The following RIN2 variants were observed in gnomAD, a reference collection of about 807,000 sequenced individuals.
The protein encoded by RIN2 is RAB5 interacting protein 2.
RIN2 carries 36 observed loss-of-function variants against 78.0 expected under a neutral mutation model. That is an observed-to-expected ratio of 0.46 (90% CI 0.35 to 0.61). The LOEUF (loss-of-function observed/expected upper bound fraction) is 0.61. RIN2 is among the 20% of genes least tolerant of loss of function. The pLI is 0.00. For synonymous variants in RIN2, 466 were observed against 466.8 expected (o/e 1.00, Z 0.02); for missense variants, 1,087 against 1,159.7 (o/e 0.94, Z 0.91).
At chr20:19,895,825 A>G (rs2038694686) in intron 3 of RIN2, 1 of 152,240 alleles carries the variant, frequency 6.6e-6, no homozygotes, top group African/African-American at 2.4e-5. Flanking sequence ...AAGAAACTAC[A>G]TTGCTGAAAT....
chr20:19,872,170 T>C (rs1255842183), intron 2 of RIN2: 1 of 152,170 alleles, frequency 6.6e-6, no homozygotes, highest in Non-Finnish European at 1.5e-5. Context: ...GTCTCTCTCC[T>C]GCTGCCTTGT....
intron 3 of RIN2, among the ~76,000 whole-genome samples, chr20:19,928,773 C>A (rs2040329385): frequency 6.6e-6 from 1 of 152,140 alleles, no homozygotes; most frequent in South Asian, 2.1e-4. Flanking sequence ...GACCTGCCTT[C>A]CTCTCCCTCT....
intron 3 of RIN2, 62 bp from the exon 4 acceptor site, chr20:19,935,037 G>A (rs895085858): frequency 5.1e-5 from 63 of 1,230,526 alleles, no homozygotes; most frequent in Admixed American, 7.9e-5. Context: ...AGTTCCCCGG[G>A]CGCTGTGGGC....
chr20:19,979,551 T>G (rs199584), intron 9 of RIN2, among the ~76,000 whole-genome samples: 50,652 of 151,720 alleles, frequency 0.33, 9,644 homozygotes, highest in Non-Finnish European at 0.44. Flanking sequence ...ATAGAAAAGG[T>G]GATTGAAATG....
At position 19,842,387 on chromosome 20, in the gene RIN2, C is replaced by CTTTTTTTTTTTTTTT. The variant is rs139642869; in HGVS notation, c.-37+42652_-37+42666dup. Among the ~76,000 whole-genome samples the CTTTTTTTTTTTTTTT allele has an allele frequency of 4.3e-4, 20 of 46,198 alleles. 3 individuals are homozygous for CTTTTTTTTTTTTTTT. Among genetic ancestry groups the CTTTTTTTTTTTTTTT allele is most frequent in the East Asian group, 1.7e-3 (2 of 1,172 alleles). The allele number at this position is 46,198 out of a possible 152,430, so 30.3% of individuals were successfully genotyped here. Reference sequence around the variant, plus strand: ...TACAGGCACTCACCACCATCCCTGGCTTTTTTTTTTTTTTTTTTTTTTTTT... The same window carrying CTTTTTTTTTTTTTTT: ...TACAGGCACTCACCACCATCCCTGGCTTTTTTTTTTTTTTTTTTTTTTTTTTTTTTTTTTTTTTTT... On this transcript the variant is annotated intron_variant, in intron 2 of 12. Transcript: ENST00000255006.
intron 2 of RIN2, among the ~76,000 whole-genome samples, chr20:19,824,529 C>T (rs1355774545): frequency 6.6e-6 from 1 of 152,104 alleles, no homozygotes; most frequent in Non-Finnish European, 1.5e-5. Context: ...GCCCAGATCC[C>T]TCCCAGTCCT....
At chr20:19,990,571 C>G (rs1291909063) in intron 10 of RIN2, among the ~76,000 whole-genome samples, 1 of 152,146 alleles carries the variant, frequency 6.6e-6, no homozygotes, top group Non-Finnish European at 1.5e-5. Flanking sequence ...AGTATGGTTA[C>G]AAATTCAGTC....
chr20:19,985,931 T>C (rs1212538968), intron 9 of RIN2, among the ~76,000 whole-genome samples: 2 of 152,162 alleles, frequency 1.3e-5, no homozygotes, highest in Non-Finnish European at 2.9e-5. Flanking sequence ...TCCTCATCTG[T>C]GAAATGAAAA....
intron 2 of RIN2, among the ~76,000 whole-genome samples, chr20:19,828,527 C>T (rs924709873): frequency 2.6e-5 from 4 of 152,118 alleles, no homozygotes; most frequent in Admixed American, 6.6e-5. Context: ...TCACTTCCTG[C>T]GTTGATGGTG....
intron 2 of RIN2, among the ~76,000 whole-genome samples, chr20:19,879,229 T>C (rs994835919): frequency 3.3e-5 from 5 of 152,196 alleles, no homozygotes; most frequent in Non-Finnish European, 5.9e-5. Context: ...AAAACCACCT[T>C]TCTGGTGATG....
intron 1 of RIN2, among the ~76,000 whole-genome samples, chr20:19,770,421 C>T (rs893983380): frequency 1.5e-4 from 23 of 152,118 alleles, no homozygotes; most frequent in Admixed American, 1.3e-3. Context: ...AAAAGCCCAG[C>T]GCAGAGGCAA....
chr20:19,950,469 A>C (rs1196589756), intron 4 of RIN2, among the ~76,000 whole-genome samples: 1 of 152,228 alleles, frequency 6.6e-6, no homozygotes, highest in Non-Finnish European at 1.5e-5. Flanking sequence ...AAAAGTTGCA[A>C]AGATAGCACT....
chr20:19,813,415 A>T (rs1019841769), intron 2 of RIN2, among the ~76,000 whole-genome samples: 2 of 152,216 alleles, frequency 1.3e-5, no homozygotes, highest in Non-Finnish European at 2.9e-5. Flanking sequence ...TCATTCTTTC[A>T]TGGACACCGA....
chr20:19,810,281 GCC>G (rs1225741856), intron 2 of RIN2, among the ~76,000 whole-genome samples: 1 of 151,432 alleles, frequency 6.6e-6, no homozygotes, highest in African/African-American at 2.4e-5. Context: ...GGTGGTGCAT[GCC>G]TGTAGTCCCA....
At chr20:19,854,224 G>A (rs2037087410) in intron 2 of RIN2, among the ~76,000 whole-genome samples, 1 of 152,128 alleles carries the variant, frequency 6.6e-6, no homozygotes, top group Non-Finnish European at 1.5e-5. Flanking sequence ...GCTCTGTTCT[G>A]TTCCATTGGT....
intron 1 of RIN2, among the ~76,000 whole-genome samples, chr20:19,796,086 GAAAAA>G (rs144883717): frequency 8.1e-6 from 1 of 123,222 alleles, no homozygotes; most frequent in East Asian, 2.0e-4. Context: ...AAAGAGCAAA[GAAAAA>G]AAAGAAAAGA....
At chr20:19,939,874 A>C (rs1413386706) in intron 4 of RIN2, among the ~76,000 whole-genome samples, 3 of 150,202 alleles carry the variant, frequency 2.0e-5, no homozygotes, top group African/African-American at 4.9e-5. Context: ...TCTTGGAAAC[A>C]GACTTCCACT....
chr20:19,823,561 G>A, intron 2 of RIN2: 1 of 1,417,082 alleles, frequency 7.1e-7, no homozygotes, highest in South Asian at 1.1e-5. Context: ...CTCTTTAGTG[G>A]TTCCAGAGAG....
Position 19,764,918 on chromosome 20 carries a change from G to GTTTTTTTTTTTTTTTTTTTTTTTTTTTT in RIN2, c.-163+6616_-163+6617insTTTTTTTTTTTTTTTTTTTTTTTTTTTT, listed in dbSNP as rs10605325. Among the ~76,000 whole-genome samples, 12 of 50,388 alleles carry GTTTTTTTTTTTTTTTTTTTTTTTTTTTT rather than the reference G, an allele frequency of 2.4e-4. 3 individuals are homozygous for GTTTTTTTTTTTTTTTTTTTTTTTTTTTT. Among genetic ancestry groups the GTTTTTTTTTTTTTTTTTTTTTTTTTTTT allele is most frequent in the African/African-American group, 3.2e-4 (5 of 15,514 alleles). The allele number at this position is 50,388 out of a possible 152,430, so 33.1% of individuals were successfully genotyped here. On this transcript the variant is annotated intron_variant, in intron 1 of 12. Coordinates refer to ENST00000255006, the MANE Select transcript of RIN2 (RefSeq NM_018993.4). ...GGGCAAGTCCCACTTCACTTTCTGC[G>GTTTTTTTTTTTTTTTTTTTTTTTTTTTT]TTTTTTTTTTTTTTTTTTTTTTTTT...
Sources: allele counts gnomAD v4.1 joint callset (sites outside exome capture counted in the v4.1 genomes callset), GRCh38; gene constraint gnomAD v4.1.1; transcripts MANE v1.5; gene names NCBI Gene and HGNC (gene_info 2026-07-23, HGNC 2026-07-21).